Variants in CSMD2 observed in about 807,000 individuals in gnomAD.
CSMD2 encodes CUB and sushi domain-containing protein 2.
CSMD2 carries 130 observed loss-of-function variants against 398.5 expected under a neutral mutation model. The observed-to-expected ratio is 0.33, with a 90% CI of 0.28 to 0.38. CSMD2 has a LOEUF of 0.38. CSMD2 is among the 10% of genes least tolerant of loss of function. The pLI is 1.00. For synonymous variants in CSMD2, 1,828 were observed against 1,908.5 expected, an observed-to-expected ratio of 0.96 and a Z score of 1.10; for missense variants, 3,829 against 4,764.9, an observed-to-expected ratio of 0.80 and a Z score of 5.78.
At position 34,096,944 on chromosome 1, in the gene CSMD2, G is replaced by A. The variant is rs1379202732; in HGVS notation, c.188-7751C>T. On this transcript the variant is annotated intron_variant, in intron 1 of 70. Coordinates refer to ENST00000373381, the MANE Select transcript of CSMD2 (RefSeq NM_001281956.2). Reference sequence around the variant, plus strand: ...TTCATATGAAACCAAAAAAGAGCCCGCATCGCCAAGTCAATCCTAAGCCAA... The same window carrying A: ...TTCATATGAAACCAAAAAAGAGCCCACATCGCCAAGTCAATCCTAAGCCAA... 8.0e-5 allele frequency among the ~76,000 whole-genome samples: 12 copies of A among 149,800 alleles called. No individual in the cohort carries two copies. In the South Asian group the frequency reaches 8.5e-4, roughly 11 times the overall value.
At chr1:33,756,855 C>T (rs1649097067) in intron 13 of CSMD2, among the ~76,000 whole-genome samples, 1 of 152,118 alleles carries the variant, frequency 6.6e-6, no homozygotes, top group South Asian at 2.1e-4. Context: ...GACACATGCA[C>T]ACGTATGTTT....
intron 2 of CSMD2, among the ~76,000 whole-genome samples, chr1:34,052,003 CTCTCTCTGACTG>C (rs955517482): frequency 2.0e-5 from 3 of 152,168 alleles, no homozygotes; most frequent in African/African-American, 7.2e-5. Flanking sequence ...GGAGAAGGTA[CTCTCTCTGACTG>C]TCTTCAACCG....
At chr1:34,119,843 TA>T (rs1249562717) in intron 1 of CSMD2, among the ~76,000 whole-genome samples, 1 of 152,098 alleles carries the variant, frequency 6.6e-6, no homozygotes, top group East Asian at 1.9e-4. Context: ...GTACAGCTGC[TA>T]TAAAAAACAG....
chr1:33,813,782 G>A (rs912865994), intron 9 of CSMD2, among the ~76,000 whole-genome samples: 5 of 152,104 alleles, frequency 3.3e-5, no homozygotes, highest in African/African-American at 1.2e-4. Context: ...CCTGTTCCAT[G>A]CTGCCTTCCC....
chr1:34,018,820 T>C (rs1229992530), intron 3 of CSMD2, among the ~76,000 whole-genome samples: 2 of 152,228 alleles, frequency 1.3e-5, no homozygotes, highest in African/African-American at 4.8e-5. Flanking sequence ...TTTTACATGA[T>C]TTTTATTGTG....
chr1:33,898,807 C>T (rs922786228), intron 5 of CSMD2, among the ~76,000 whole-genome samples: 8 of 152,184 alleles, frequency 5.3e-5, no homozygotes, highest in Non-Finnish European at 8.8e-5. Context: ...ATGGAGGCCA[C>T]GTCAGCGTCC....
chr1:33,523,449 G>T, intron 66 of CSMD2, 30 bp from the exon 67 acceptor site: 1 of 1,014,764 alleles, frequency 9.9e-7, no homozygotes, highest in Non-Finnish European at 1.5e-6. Context: ...TGTTACACAT[G>T]AAAGATATGG....
chr1:33,726,853 G>C (rs1320377307), intron 15 of CSMD2, among the ~76,000 whole-genome samples, 168 bp from the exon 16 acceptor site: 1 of 152,214 alleles, frequency 6.6e-6, no homozygotes, highest in Non-Finnish European at 1.5e-5. Context: ...TTATGGGTAG[G>C]TCCAGTTATA....
chr1:33,517,235 G>C (rs1398280664), intron 70 of CSMD2, among the ~76,000 whole-genome samples: 1 of 152,216 alleles, frequency 6.6e-6, no homozygotes. Context: ...TGCTCCAGCT[G>C]TGGGCAGAAG....
chr1:33,936,708 C>T (rs1372264919), intron 3 of CSMD2, among the ~76,000 whole-genome samples: 1 of 152,246 alleles, frequency 6.6e-6, no homozygotes, highest in African/African-American at 2.4e-5. Flanking sequence ...CACAGATTCT[C>T]TGTGCCCATA....
At chr1:33,629,490 G>T (rs1182937208) in intron 32 of CSMD2, among the ~76,000 whole-genome samples, 1 of 152,186 alleles carries the variant, frequency 6.6e-6, no homozygotes, top group Non-Finnish European at 1.5e-5. Flanking sequence ...AAAATTGCTA[G>T]ATATACAAGA....
At chr1:33,952,452 C>T (rs747683315) in intron 3 of CSMD2, among the ~76,000 whole-genome samples, 4 of 152,212 alleles carry the variant, frequency 2.6e-5, no homozygotes, top group Non-Finnish European at 4.4e-5. Context: ...CATTCATGAT[C>T]GTTTTTCAGC....
Position 33,700,663 on chromosome 1 carries a change from C to T in CSMD2, c.3587G>A (p.Gly1196Asp). Residue 1196 changes from glycine (G) to aspartate (D), a missense_variant, in exon 23 of 71, where the codon GGC (glycine) becomes GAC (aspartate). Transcript: ENST00000373381. ...SEGDVLKVYDGNNNSARLLGV... is the reference protein window; with the variant it reads ...SEGDVLKVYDDNNNSARLLGV... ...CAGCAAACGGGCGGAGTTGTTGTTG[C>T]CATCATAAACCTGGACACAGGAGAG... 1 of 1,614,118 alleles carries T rather than the reference C, an allele frequency of 6.2e-7. No individual in the cohort carries two copies. Among genetic ancestry groups the T allele is most frequent in the Non-Finnish European group, 8.5e-7 (1 of 1,180,010 alleles).
In CSMD2 at chr1:33,624,545, C is replaced by A; in HGVS notation, c.5599G>T (p.Val1867Leu). 1 of 1,613,908 alleles carries A rather than the reference C, an allele frequency of 6.2e-7. No homozygotes were observed. The highest frequency in any genetic ancestry group is 8.5e-7 in the Non-Finnish European group (1 of 1,179,888). Residue 1867 changes from valine (V) to leucine (L), a missense_variant, in exon 35 of 71, where the codon GTG (valine) becomes TTG (leucine). Physicochemically the swap from Val to Leu is conservative, Grantham distance 32. Coordinates refer to ENST00000373381, the MANE Select transcript of CSMD2 (RefSeq NM_001281956.2). The surrounding 1 kb of genome is among the most constrained non-coding windows in gnomAD (Gnocchi z 4.7). The stretch of plus-strand genomic sequence containing the variant: ...TGGATGCCAGCGCCTTCGGGGACCA[C>A]GATCTTCCACACACAGTTGAGGCTG... ...LNSLNCVWKI[V>L]VPEGAGIQIQ...
chr1:34,157,035 T>G (rs550521563), intron 1 of CSMD2, among the ~76,000 whole-genome samples: 1 of 152,150 alleles, frequency 6.6e-6, no homozygotes, highest in Non-Finnish European at 1.5e-5. Flanking sequence ...GATGGTGGAC[T>G]TGATAGGAGC....
Position 33,624,894 on chromosome 1 carries a change from C to T in CSMD2, c.5500+157G>A, listed in dbSNP as rs995356372. On this transcript the variant is annotated intron_variant, in intron 34 of 70. Coordinates refer to ENST00000373381, the MANE Select transcript of CSMD2 (RefSeq NM_001281956.2). This position sits in a 1 kb window ranked among gnomAD's most constrained non-coding sequence, Gnocchi z 4.7. ...GCTGTCTTCACACAGCCCACAGCGCCGGGGACTGGGGTTGACTGGGACACC... is the reference window on the plus strand; with the variant it reads ...GCTGTCTTCACACAGCCCACAGCGCTGGGGACTGGGGTTGACTGGGACACC... Among the ~76,000 whole-genome samples the T allele has an allele frequency of 7.9e-5, 12 of 152,164 alleles. No individual in the cohort carries two copies. The highest frequency in any genetic ancestry group is 2.1e-4 in the South Asian group (1 of 4,824).
intron 12 of CSMD2, among the ~76,000 whole-genome samples, chr1:33,783,113 G>C (rs1018967213): frequency 2.0e-5 from 3 of 152,100 alleles, no homozygotes; most frequent in Non-Finnish European, 2.9e-5. Context: ...GTGGGGAGAG[G>C]GAAAAGGAGG....
chr1:33,867,397 C>T (rs1204756676), intron 5 of CSMD2, among the ~76,000 whole-genome samples: 8 of 152,332 alleles, frequency 5.3e-5, no homozygotes, highest in African/African-American at 1.7e-4. Flanking sequence ...GAGAACTTGG[C>T]CCTGGCTGAC....
intron 29 of CSMD2, among the ~76,000 whole-genome samples, chr1:33,644,338 G>A (rs1352188574): frequency 1.3e-5 from 2 of 152,126 alleles, no homozygotes; most frequent in African/African-American, 4.8e-5. Context: ...GAAGCTCAGG[G>A]GGTTTCTACC....
Sources: gnomAD v4.1 joint callset for allele counts (sites outside exome capture counted in the v4.1 genomes callset) on GRCh38, gnomAD v4.1.1 for gene constraint, Gnocchi (gnomAD v3.1) non-coding constraint, MANE v1.5 for transcripts, NCBI Gene and HGNC (gene_info 2026-07-23, HGNC 2026-07-21) for gene names.